Variants in SMARCA1 observed in about 807,000 individuals in gnomAD.
The protein encoded by SMARCA1 is SWI/SNF-related matrix-associated actin-dependent regulator of chromatin subfamily A member 1.
In SMARCA1, 17 loss-of-function variants were observed where a neutral mutation model predicts 93.6. That is an observed-to-expected ratio of 0.18 (90% CI 0.12 to 0.27). SMARCA1 has a LOEUF of 0.27. Ranked by LOEUF, SMARCA1 falls within the 10% of genes least tolerant of loss-of-function variation. The pLI is 1.00. For synonymous variants in SMARCA1, 271 were observed against 271.4 expected (o/e 1.00, Z 0.01); for missense variants, 630 against 819.0 (o/e 0.77, Z 2.82).
In SMARCA1 at chrX:129,503,632, G is replaced by A. The variant is rs180946262; in HGVS notation, c.1167+1102C>T. Among the ~76,000 whole-genome samples, 25 of 111,334 alleles carry A rather than the reference G, an allele frequency of 2.2e-4. No homozygotes were observed. In the East Asian group the frequency reaches 6.7e-3, roughly 30 times the overall value. ...CAAGTACAGAAGGATTAACATGAAC[G>A]AAAGCACTAGAAAGAGATGAGAAAT... On this transcript the variant is annotated intron_variant, in intron 9 of 24. Coordinates refer to ENST00000371121, the MANE Select transcript of SMARCA1 (RefSeq NM_001282874.2).
chrX:129,503,264 G>A (rs1390102726), intron 9 of SMARCA1, among the ~76,000 whole-genome samples: 1 of 112,283 alleles, frequency 8.9e-6, no homozygotes, highest in South Asian at 3.7e-4. Flanking sequence ...AGAGAACATG[G>A]AATCACAGTG....
intron 23 of SMARCA1, among the ~76,000 whole-genome samples, chrX:129,461,965 G>A (rs771521347): frequency 1.2e-4 from 13 of 111,650 alleles, no homozygotes; most frequent in Non-Finnish European, 2.1e-4. Context: ...AAAGAAATCT[G>A]CAACCTTTAG....
chrX:129,495,917 C>T (rs868130895), intron 12 of SMARCA1, among the ~76,000 whole-genome samples: 1 of 104,902 alleles, frequency 9.5e-6, no homozygotes, highest in African/African-American at 3.5e-5. Flanking sequence ...GGATTATAGA[C>T]GCGCGCCACC....
chrX:129,471,511 T>C (rs1239953165), intron 19 of SMARCA1, among the ~76,000 whole-genome samples, 185 bp from the exon 20 acceptor site: 1 of 112,460 alleles, frequency 8.9e-6, no homozygotes, highest in Non-Finnish European at 1.9e-5. Flanking sequence ...ACCATTCTTG[T>C]GCCACATGAT....
intron 7 of SMARCA1, among the ~76,000 whole-genome samples, chrX:129,506,563 G>T (rs1461608870): frequency 9.2e-6 from 1 of 108,245 alleles, no homozygotes; most frequent in Non-Finnish European, 1.9e-5. Flanking sequence ...GGTGGTGCAC[G>T]CCTTTAATTC....
At chrX:129,500,674 GTATT>G (rs947863211) in intron 9 of SMARCA1, among the ~76,000 whole-genome samples, 7 of 112,209 alleles carry the variant, frequency 6.2e-5, no homozygotes, top group Non-Finnish European at 1.1e-4. Flanking sequence ...CATGGTATAT[GTATT>G]TATTTGTTTT....
intron 21 of SMARCA1, among the ~76,000 whole-genome samples, chrX:129,467,113 A>T (rs370521282): frequency 8.9e-6 from 1 of 111,985 alleles, no homozygotes; most frequent in Non-Finnish European, 1.9e-5. Flanking sequence ...ATATTTAAAC[A>T]CTTGCTATGT....
chrX:129,498,532 A>G (rs1450397102), intron 10 of SMARCA1, among the ~76,000 whole-genome samples: 1 of 111,583 alleles, frequency 9.0e-6, no homozygotes, highest in Non-Finnish European at 1.9e-5. Flanking sequence ...ATAATATGTA[A>G]TTATAATAAT....
intron 10 of SMARCA1, among the ~76,000 whole-genome samples, chrX:129,498,513 C>T (rs938588647): frequency 9.0e-6 from 1 of 111,090 alleles, no homozygotes; most frequent in Non-Finnish European, 1.9e-5. Context: ...TATATACACC[C>T]GATCAATGAT....
At chrX:129,479,928 C>T (rs761585948) in intron 19 of SMARCA1, among the ~76,000 whole-genome samples, 3 of 111,408 alleles carry the variant, frequency 2.7e-5, no homozygotes, top group African/African-American at 9.8e-5. Flanking sequence ...ATACTCCTGA[C>T]CTCAACTGAT....
intron 20 of SMARCA1, among the ~76,000 whole-genome samples, chrX:129,469,121 C>T (rs1238585116): frequency 2.7e-5 from 3 of 111,935 alleles, no homozygotes; most frequent in Admixed American, 9.5e-5. Context: ...AATGTTGATA[C>T]ATAGTTCGAA....
intron 9 of SMARCA1, 33 bp downstream of exon 9, chrX:129,504,701 A>C: frequency 2.9e-6 from 3 of 1,020,029 alleles, no homozygotes; most frequent in Non-Finnish European, 4.1e-6. Context: ...TATACTATTT[A>C]ATTACTGAAT....
chrX:129,488,047 G>T (rs1294577762), intron 16 of SMARCA1, among the ~76,000 whole-genome samples: 1 of 110,911 alleles, frequency 9.0e-6, no homozygotes, highest in Non-Finnish European at 1.9e-5. Flanking sequence ...AGGACTGGTT[G>T]ATGGTTGTTA....
chrX:129,473,602 A>G (rs900497835), intron 19 of SMARCA1, among the ~76,000 whole-genome samples: 2 of 112,354 alleles, frequency 1.8e-5, no homozygotes, highest in African/African-American at 3.2e-5. Context: ...CTATCCATAC[A>G]ATGGAATAGG....
At chrX:129,464,648 T>C (rs1400178193) in intron 23 of SMARCA1, among the ~76,000 whole-genome samples, 1 of 112,295 alleles carries the variant, frequency 8.9e-6, no homozygotes, top group Non-Finnish European at 1.9e-5. Flanking sequence ...ACAACTCCTT[T>C]TCATTAAAAG....
chrX:129,461,053 A>C (rs778937458), intron 23 of SMARCA1, among the ~76,000 whole-genome samples: 1 of 112,183 alleles, frequency 8.9e-6, no homozygotes, highest in Non-Finnish European at 1.9e-5. Flanking sequence ...TACATTGTAT[A>C]CCACAGTATG....
chrX:129,467,312 GATC>G (rs1414786305), intron 21 of SMARCA1, among the ~76,000 whole-genome samples: 1 of 111,679 alleles, frequency 9.0e-6, no homozygotes, highest in East Asian at 2.8e-4. Context: ...AGTCTGACAG[GATC>G]ATCTTTTTAA....
At chrX:129,522,804 G>C (rs970382143) in intron 1 of SMARCA1, among the ~76,000 whole-genome samples, 2 of 111,928 alleles carry the variant, frequency 1.8e-5, no homozygotes, top group Non-Finnish European at 3.8e-5. Flanking sequence ...CGGGAAGGCG[G>C]GGGGAGAGGG....
At chrX:129,473,408 C>T (rs1933231032) in intron 19 of SMARCA1, among the ~76,000 whole-genome samples, 1 of 111,938 alleles carries the variant, frequency 8.9e-6, no homozygotes, top group Admixed American at 9.5e-5. Context: ...TCTTCAGTAG[C>T]TAAACCCAAT....
Sources: allele counts gnomAD v4.1 joint callset (sites outside exome capture counted in the v4.1 genomes callset), GRCh38; gene constraint gnomAD v4.1.1; transcripts MANE v1.5; gene names NCBI Gene and HGNC (gene_info 2026-07-23, HGNC 2026-07-21).